Variants in ERBB3 observed in about 807,000 individuals in gnomAD.
ERBB3 encodes the protein erb-b2 receptor tyrosine kinase 3, also known as receptor tyrosine-protein kinase erbB-3.
ERBB3 carries 96 observed loss-of-function variants against 156.7 expected under a neutral mutation model. The observed-to-expected ratio is 0.61, with a 90% CI of 0.52 to 0.73. The LOEUF is 0.73. ERBB3 is among the 30% of genes least tolerant of loss of function. The pLI is 0.00. For synonymous variants in ERBB3, 567 were observed against 632.0 expected (o/e 0.90, Z 1.54); for missense variants, 1,406 against 1,709.4 (o/e 0.82, Z 3.13).
rs1342557300 is a variant in ERBB3 at position 56,097,130 on chromosome 12, C to T, written c.2360C>T (p.Thr787Ile). 1 of 1,614,028 alleles carries T rather than the reference C, an allele frequency of 6.2e-7. No homozygotes were observed. Among genetic ancestry groups the T allele is most frequent in the African/African-American group, 1.3e-5 (1 of 74,916 alleles). Residue 787 changes from threonine (T) to isoleucine (I), a missense_variant, in exon 20 of 28, where the codon ACT becomes ATT. Coordinates refer to ENST00000267101, the MANE Select transcript of ERBB3 (RefSeq NM_001982.4). ...LCPGSSLQLV[T>I]QYLPLGSLLD... ...CCAGGGTCATCTCTGCAGCTTGTCACTCAATATTTGCCTCTGGGTTCTCTG... is the reference window on the plus strand; with the variant it reads ...CCAGGGTCATCTCTGCAGCTTGTCATTCAATATTTGCCTCTGGGTTCTCTG...
At chr12:56,085,844 T>A (rs1868463653) in intron 3 of ERBB3, among the ~76,000 whole-genome samples, 1 of 146,934 alleles carries the variant, frequency 6.8e-6, no homozygotes. Flanking sequence ...CCAAGGCAGG[T>A]GGATCACAAG....
At chr12:56,097,747 C>T (rs1415597942) in intron 20 of ERBB3, 38 bp from the exon 21 acceptor site, 1 of 1,603,912 alleles carries the variant, frequency 6.2e-7, no homozygotes, top group Non-Finnish European at 8.5e-7. Context: ...GACTGATTCC[C>T]CCAACCTTAA....
intron 3 of ERBB3, 139 bp from the exon 4 acceptor site, chr12:56,086,392 A>C (rs1868488149): frequency 9.7e-7 from 1 of 1,032,298 alleles, no homozygotes; most frequent in East Asian, 2.4e-5. Flanking sequence ...TCTTCTCTGC[A>C]GCTTAGATTT....
intron 12 of ERBB3, 64 bp downstream of exon 12, chr12:56,093,614 T>G: frequency 6.4e-7 from 1 of 1,551,250 alleles, no homozygotes; most frequent in Non-Finnish European, 8.8e-7. Flanking sequence ...CTGAAAGGAC[T>G]ATTCTGCCCT....
rs1228041210 is a variant in ERBB3, at chr12:56,087,647, GT to G, written c.613+8del. 2 of 1,613,914 alleles carry G rather than the reference GT, an allele frequency of 1.2e-6. No individual in the cohort carries two copies. The highest frequency in any genetic ancestry group is 4.5e-5 in the East Asian group (2 of 44,872). ...GATCAGAAGACTGCCAGACATGTGG[GT>G]TTGAAATTCCCTCCAAAAACTTCAC... On this transcript the variant is annotated splice_donor_region_variant and intron_variant, in intron 5 of 27. Coordinates refer to ENST00000267101, the MANE Select transcript of ERBB3 (RefSeq NM_001982.4).
rs750947241 is a variant in ERBB3, at chr12:56,083,840, G to A, written c.172G>A (p.Val58Met). Residue 58 changes from valine (V) to methionine (M), a missense_variant, in exon 2 of 28, where the codon GTG becomes ATG. Physicochemically the swap from Val to Met is conservative, Grantham distance 21 (BLOSUM62 1). Transcript: ENST00000267101. ...TLYKLYERCE[V>M]VMGNLEIVLT... ...GTACAAGCTCTACGAGAGGTGTGAG[G>A]TGGTGATGGGGAACCTTGAGATTGT... 11 of 1,613,998 alleles carry A rather than the reference G, an allele frequency of 6.8e-6. No homozygotes were observed. The highest frequency in any genetic ancestry group is 1.1e-5 in the South Asian group (1 of 91,084).
At chr12:56,096,377 A>C in intron 17 of ERBB3, 126 bp from the exon 18 acceptor site, 1 of 1,157,122 alleles carries the variant, frequency 8.6e-7, no homozygotes. Flanking sequence ...CCATTCCAGG[A>C]CTAACGGTGC....
At chr12:56,085,349 T>C (rs776293588) in intron 3 of ERBB3, 168 bp downstream of exon 3, 7 of 1,466,036 alleles carry the variant, frequency 4.8e-6, no homozygotes, top group African/African-American at 2.8e-5. Context: ...GGGCCCCCAG[T>C]AGGGGGAGCT....
intron 17 of ERBB3, 176 bp from the exon 18 acceptor site, chr12:56,096,327 T>G: frequency 1.4e-6 from 1 of 727,730 alleles, no homozygotes; most frequent in Non-Finnish European, 2.3e-6. Flanking sequence ...ACAAATAACT[T>G]CCTCAGTTCT....
At chr12:56,099,605 T>G (rs749453307) in intron 23 of ERBB3, 43 bp from the exon 24 acceptor site, 4 of 1,549,598 alleles carry the variant, frequency 2.6e-6, no homozygotes, top group Non-Finnish European at 3.6e-6. Flanking sequence ...GGCCATGGAA[T>G]GTATTCTCTT....
intron 12 of ERBB3, 50 bp from the exon 13 acceptor site, chr12:56,093,714 C>T (rs1239496829): frequency 6.2e-7 from 1 of 1,611,596 alleles, no homozygotes; most frequent in African/African-American, 1.3e-5. Flanking sequence ...GAAGAGAGGG[C>T]TTGCTGGGAG....
Position 56,086,517 on chromosome 12 carries a change from T to A in ERBB3, c.422-14T>A. On this transcript the variant is annotated splice_polypyrimidine_tract_variant and intron_variant, in intron 3 of 27. Transcript: ENST00000267101. ...CTGCGGCCCTTAACCCTGTCACTTC[T>A]TTCCCTACCTCAGAGATTCTGTCAG... is the stretch of plus-strand genomic sequence containing the variant. 6.2e-7 allele frequency: 1 copy of A among 1,614,038 alleles called. No homozygotes were observed. The highest frequency in any genetic ancestry group is 1.3e-5 in the African/African-American group (1 of 75,042).
At position 56,088,400 on chromosome 12, in the gene ERBB3, G is replaced by A. The variant is rs894250736; in HGVS notation, c.875-143G>A. The A allele has an allele frequency of 8.2e-6, 7 of 856,352 alleles. No individual in the cohort carries two copies. The African/African-American group carries it at 9.9e-5, about 12-fold the overall frequency. 53.0% of individuals were successfully genotyped at this position (856,352 alleles called of 1,614,324 possible). On this transcript the variant is annotated intron_variant, in intron 7 of 27. Coordinates refer to ENST00000267101, the MANE Select transcript of ERBB3 (RefSeq NM_001982.4). ...GTGAAGAGACTTTTGAATCTATAGG[G>A]CAGCACTTAAGGGATCTAGGGTGGC...
At chr12:56,086,227 T>C (rs1005825007) in intron 3 of ERBB3, among the ~76,000 whole-genome samples, 1 of 152,134 alleles carries the variant, frequency 6.6e-6, no homozygotes, top group Non-Finnish European at 1.5e-5. Context: ...CCCAGTCAGT[T>C]GGAAAACATA....
chr12:56,090,886 T>C (rs1868658660), intron 9 of ERBB3, among the ~76,000 whole-genome samples: 2 of 152,134 alleles, frequency 1.3e-5, no homozygotes, highest in Admixed American at 6.6e-5. Context: ...CAAAATATTA[T>C]CTAAGCTACA....
chr12:56,090,018 T>A (rs1592227593), intron 9 of ERBB3, among the ~76,000 whole-genome samples: 3 of 151,130 alleles, frequency 2.0e-5, no homozygotes, highest in African/African-American at 7.3e-5. Context: ...TAAGACAAAG[T>A]CTCACTCTGT....
chr12:56,090,272 T>C (rs1351154418), intron 9 of ERBB3, among the ~76,000 whole-genome samples: 1 of 151,962 alleles, frequency 6.6e-6, no homozygotes, highest in East Asian at 1.9e-4. Context: ...AGTGTTGGGA[T>C]TACAAGTGTG....
chr12:56,097,153 C>G lies in ERBB3; in HGVS notation c.2383C>G (p.Leu795Val), dbSNP rs144510847. The stretch of plus-strand genomic sequence containing the variant: ...CACTCAATATTTGCCTCTGGGTTCT[C>G]TGCTGGATCATGTGAGACAACACCG... ...LVTQYLPLGS[L>V]LDHVRQHRGA... The change falls in exon 20 of 28, where the codon CTG becomes GTG. Residue 795 changes from leucine (L) to valine (V), a missense_variant. Transcript: ENST00000267101. 2,979 of 1,614,178 alleles carry G rather than the reference C, an allele frequency of 1.8e-3. 39 individuals carry two copies. Among genetic ancestry groups the G allele is most frequent in the South Asian group, 2.6e-3 (241 of 91,078 alleles).
chr12:56,093,206 G>A (rs1250908143), intron 11 of ERBB3, 130 bp downstream of exon 11: 13 of 1,163,222 alleles, frequency 1.1e-5, no homozygotes, highest in Middle Eastern at 1.9e-4. Flanking sequence ...AGAGTTTCAC[G>A]AGGAAAAGGC....
Sources: allele counts gnomAD v4.1 joint callset (sites outside exome capture counted in the v4.1 genomes callset), GRCh38; gene constraint gnomAD v4.1.1; transcripts MANE v1.5; gene names NCBI Gene and HGNC (gene_info 2026-07-23, HGNC 2026-07-21).